SLC4A5: variants seen among roughly 807,000 people sequenced by gnomAD.
SLC4A5 encodes the protein solute carrier family 4 member 5, also known as electrogenic sodium bicarbonate cotransporter 4.
SLC4A5 carries 96 observed loss-of-function variants against 120.4 expected under a neutral mutation model. The observed-to-expected ratio is 0.80, with a 90% CI of 0.68 to 0.94. The LOEUF is 0.94. SLC4A5 is among the 40% of genes least tolerant of loss of function. The pLI is 0.00. For missense variants in SLC4A5, 1,259 were observed against 1,459.5 expected, an observed-to-expected ratio of 0.86 and a Z score of 2.24; for synonymous variants, 550 against 571.1, an observed-to-expected ratio of 0.96 and a Z score of 0.53.
chr2:74,336,504 T>C (rs1189163996), intron 3 of SLC4A5, among the ~76,000 whole-genome samples: 1 of 152,218 alleles, frequency 6.6e-6, no homozygotes, highest in Non-Finnish European at 1.5e-5. Context: ...AGCTATCCCA[T>C]AGGTTTATGA....
At chr2:74,266,926 CAAAG>C (rs1476540309) in intron 8 of SLC4A5, among the ~76,000 whole-genome samples, 1 of 152,018 alleles carries the variant, frequency 6.6e-6, no homozygotes, top group East Asian at 1.9e-4. Flanking sequence ...ATATCTGCAA[CAAAG>C]AAAGCATCAA....
chr2:74,235,070 T>A lies in SLC4A5; in HGVS notation c.2433+31A>T, dbSNP rs756054384. On this transcript the variant is annotated intron_variant, in intron 22 of 30. Transcript: ENST00000394019. Reference sequence around the variant, plus strand: ...ATCTGCAGCTGGTAGGCAGGCAGACTGGATGCCCAGAGCGAGGGAAAGGGG... The same window carrying A: ...ATCTGCAGCTGGTAGGCAGGCAGACAGGATGCCCAGAGCGAGGGAAAGGGG... 4 of 1,546,938 alleles carry A rather than the reference T, an allele frequency of 2.6e-6. No individual in the cohort carries two copies. The South Asian group carries it at 4.5e-5, about 17-fold the overall frequency.
At chr2:74,228,911 G>A (rs913465473) in intron 25 of SLC4A5, among the ~76,000 whole-genome samples, 3 of 151,954 alleles carry the variant, frequency 2.0e-5, no homozygotes, top group Admixed American at 6.6e-5. Context: ...GCATTCTTCC[G>A]CTGTCTCTCT....
chr2:74,325,164 T>C (rs1673189533), intron 5 of SLC4A5, among the ~76,000 whole-genome samples: 1 of 152,202 alleles, frequency 6.6e-6, no homozygotes, highest in Non-Finnish European at 1.5e-5. Context: ...GATTTTAAAA[T>C]GTGTTATTTC....
intron 3 of SLC4A5, among the ~76,000 whole-genome samples, chr2:74,337,678 G>T (rs1025874849): frequency 6.6e-6 from 1 of 152,126 alleles, no homozygotes; most frequent in African/African-American, 2.4e-5. Flanking sequence ...TAAATCATTC[G>T]CAGGGCTCAG....
At position 74,252,330 on chromosome 2, in the gene SLC4A5, C is replaced by T. The variant is rs776201138; in HGVS notation, c.1327G>A (p.Gly443Ser). Residue 443 changes from glycine to serine, a missense_variant, in exon 16 of 31, where the codon GGC becomes AGC. Transcript: ENST00000394019. ...CCATTGCCTCCTCCAGGAGCTCCGC[C>T]GCCTCCTCCCACAGAGCCATTCATC... is the stretch of plus-strand genomic sequence containing the variant. 30 of 1,613,474 alleles carry T rather than the reference C, an allele frequency of 1.9e-5. 1 individual carries two copies. The Admixed American group carries it at 2.3e-4, about 13-fold the overall frequency.
chr2:74,241,994 C>A lies in SLC4A5; in HGVS notation c.2118G>T (p.Leu706=). ...TCTAACATAAGAGGAAAGGACTTAC[C>A]AGAGAAGCGTTGGTGTCTGGTGCCA... Residue 706 remains leucine (L), a splice_region_variant and synonymous_variant, in exon 20 of 31, where the codon CTG becomes CTT. Coordinates refer to ENST00000394019, the Ensembl canonical transcript of SLC4A5. 1.2e-6 allele frequency: 2 copies of A among 1,603,448 alleles called. No individual in the cohort carries two copies. The highest frequency in any genetic ancestry group is 2.2e-5 in the South Asian group (2 of 90,816).
intron 7 of SLC4A5, among the ~76,000 whole-genome samples, chr2:74,303,332 C>T (rs999809094): frequency 2.0e-5 from 3 of 152,086 alleles, no homozygotes; most frequent in African/African-American, 7.2e-5. Flanking sequence ...TGCATCAGGT[C>T]TCCTGCCAGG....
chr2:74,307,908 C>T (rs1031638322), intron 6 of SLC4A5: 27 of 495,136 alleles, frequency 5.5e-5, no homozygotes, highest in Middle Eastern at 5.3e-4. Flanking sequence ...TGCATAGACA[C>T]TGGCCACACT....
At chr2:74,230,953 C>T (rs902545117) in intron 25 of SLC4A5, among the ~76,000 whole-genome samples, 1 of 152,090 alleles carries the variant, frequency 6.6e-6, no homozygotes, top group Non-Finnish European at 1.5e-5. Flanking sequence ...ATTACAGGCA[C>T]GTGCCACCAT....
intron 5 of SLC4A5, 35 bp downstream of exon 5, chr2:74,328,085 T>A (rs1287911991): frequency 1.0e-6 from 1 of 978,372 alleles, no homozygotes; most frequent in Non-Finnish European, 1.2e-6. Flanking sequence ...CATAGCTCTG[T>A]CTACTTTCTC....
chr2:74,319,456 C>T (rs1673043659), intron 5 of SLC4A5: 1 of 152,058 alleles, frequency 6.6e-6, no homozygotes, highest in African/African-American at 2.4e-5. Flanking sequence ...AAGCATGACC[C>T]CTGTACAAAG....
intron 4 of SLC4A5, among the ~76,000 whole-genome samples, chr2:74,328,394 G>C (rs1307942671): frequency 6.6e-6 from 1 of 152,240 alleles, no homozygotes; most frequent in Non-Finnish European, 1.5e-5. Flanking sequence ...ATCATAGGCA[G>C]ATGCCTTTGC....
intron 7 of SLC4A5, among the ~76,000 whole-genome samples, chr2:74,289,320 T>C (rs1672084825): frequency 6.7e-6 from 1 of 149,918 alleles, no homozygotes; most frequent in East Asian, 1.9e-4. Flanking sequence ...AATTTTTCTA[T>C]TACTTTTTTT....
chr2:74,271,086 T>C (rs897759694), intron 8 of SLC4A5, among the ~76,000 whole-genome samples: 1 of 152,210 alleles, frequency 6.6e-6, no homozygotes, highest in Admixed American at 6.5e-5. Context: ...CAGATCCTCA[T>C]TGAGCAGGTC....
At chr2:74,221,437 C>T (rs532425967) in exon 30 of SLC4A5, 54 of 1,610,430 alleles carry the variant, frequency 3.4e-5, no homozygotes, top group Middle Eastern at 1.7e-4. Flanking sequence ...TGTTTACCTT[C>T]GGTCAAGTTC....
intron 6 of SLC4A5, chr2:74,306,797 CT>C: frequency 2.7e-6 from 2 of 747,794 alleles, no homozygotes; most frequent in Non-Finnish European, 4.5e-6. Flanking sequence ...GGGTAGTGTT[CT>C]TTTGGATGAT....
chr2:74,339,501 T>G (rs535512691), intron 2 of SLC4A5: 4 of 152,312 alleles, frequency 2.6e-5, no homozygotes, highest in Admixed American at 2.6e-4. Context: ...ATCATGCCTG[T>G]GTAGAGGGTG....
At position 74,232,579 on chromosome 2, in the gene SLC4A5, C is replaced by T. The variant is rs758811653; in HGVS notation, c.2664G>A (p.Gly888=). The change falls in exon 24 of 31, where the codon GGG becomes GGA. Residue 888 remains glycine (G), a synonymous_variant. Transcript: ENST00000394019. The stretch of plus-strand genomic sequence containing the variant: ...CCGTGGCAGCCACGTACCAGGGGAG[C>T]CCCATAAAGGAGCACAAAGCCATGA... The T allele has an allele frequency of 1.4e-5, 23 of 1,613,792 alleles. No homozygotes were observed. The East Asian group carries it at 4.5e-4, about 31-fold the overall frequency.
Sources: allele counts gnomAD v4.1 joint callset (sites outside exome capture counted in the v4.1 genomes callset), GRCh38; gene constraint gnomAD v4.1.1; transcripts MANE v1.5; gene names NCBI Gene and HGNC (gene_info 2026-07-23, HGNC 2026-07-21).